Variants in ELP2 observed in about 807,000 individuals in gnomAD.
The protein encoded by ELP2 is elongator acetyltransferase complex subunit 2.
A neutral mutation model predicts 119.2 loss-of-function variants in ELP2; 90 were observed. The ratio of observed to expected loss-of-function variants is 0.75; its 90% confidence interval spans 0.64 to 0.90. The LOEUF (loss-of-function observed/expected upper bound fraction) is 0.90. Among genes scored for constraint, ELP2 ranks in the 40% least tolerant of loss-of-function variants. The pLI is 0.00. For synonymous variants in ELP2, 339 were observed against 331.0 expected, an observed-to-expected ratio of 1.02 and a Z score of -0.26; for missense variants, 921 against 967.8, an observed-to-expected ratio of 0.95 and a Z score of 0.64.
intron 8 of ELP2, among the ~76,000 whole-genome samples, chr18:36,144,712 AC>A (rs1455079261): frequency 6.6e-6 from 1 of 152,218 alleles, no homozygotes; most frequent in East Asian, 1.9e-4. Context: ...TTTATTTATG[AC>A]CAGCTAGAAC....
chr18:36,129,911 T>G lies in ELP2; in HGVS notation c.-23T>G, dbSNP rs765943171. The G allele has an allele frequency of 6.2e-7, 1 of 1,614,172 alleles. No homozygotes were observed. The highest frequency in any genetic ancestry group is 1.6e-4 in the Middle Eastern group (1 of 6,062). On this transcript the variant is annotated 5_prime_UTR_variant, in exon 1 of 22. Transcript: ENST00000358232. ...AGGGCGGAAGTGCGCGTCTCTTGTT[T>G]GTGCGGCTGACCAGTTGGCGACATG...
intron 1 of ELP2, among the ~76,000 whole-genome samples, chr18:36,132,234 A>G (rs1022366077): frequency 1.4e-4 from 21 of 152,190 alleles, no homozygotes; most frequent in Admixed American, 1.0e-3. Flanking sequence ...TTCAAATGCT[A>G]AAATAAAGTT....
intron 8 of ELP2, among the ~76,000 whole-genome samples, chr18:36,144,156 A>G (rs1200512513): frequency 6.6e-6 from 1 of 152,144 alleles, no homozygotes. Context: ...TTTTGGTAAC[A>G]GTTTTATGGG....
intron 11 of ELP2, among the ~76,000 whole-genome samples, chr18:36,149,271 A>C (rs2090310316): frequency 6.6e-6 from 1 of 152,194 alleles, no homozygotes. Context: ...AAGTCAAGCA[A>C]GTAGCTCCTC....
At chr18:36,171,019 C>A in intron 20 of ELP2, 28 bp from the exon 21 acceptor site, 1 of 1,439,430 alleles carries the variant, frequency 6.9e-7, no homozygotes, top group Non-Finnish European at 9.8e-7. Flanking sequence ...CTAAGTTAAT[C>A]ACTGTTGTCC....
chr18:36,168,958 CTT>C (rs2090993540), intron 19 of ELP2, among the ~76,000 whole-genome samples: 1 of 91,270 alleles, frequency 1.1e-5, no homozygotes, highest in Non-Finnish European at 1.9e-5. Context: ...GAGTTTCGCT[CTT>C]GTTGCCTAGG....
intron 17 of ELP2, among the ~76,000 whole-genome samples, chr18:36,163,275 G>GGGGGGGGTGTGTGTGTGTGTGTGT (rs1555644861): frequency 1.4e-5 from 2 of 145,360 alleles, no homozygotes; most frequent in African/African-American, 5.1e-5. Context: ...GTTCATGGGG[G>GGGGGGGGTGTGTGTGTGTGTGTGT]GTGTGTGTGT....
At chr18:36,170,638 C>T (rs2091051767) in intron 20 of ELP2, among the ~76,000 whole-genome samples, 1 of 152,148 alleles carries the variant, frequency 6.6e-6, no homozygotes, top group Non-Finnish European at 1.5e-5. Flanking sequence ...TTGCAAAATG[C>T]TTATGTTTCT....
chr18:36,141,248 A>T (rs768819477), intron 6 of ELP2, 47 bp downstream of exon 6: 6 of 1,397,174 alleles, frequency 4.3e-6, no homozygotes, highest in Non-Finnish European at 6.1e-6. Context: ...CTGCTTAGTT[A>T]TATCTCAATA....
At position 36,152,813 on chromosome 18, in the gene ELP2, C is replaced by T. The variant is rs554039678; in HGVS notation, c.1126-2037C>T. On this transcript the variant is annotated intron_variant, in intron 11 of 21. Transcript: ENST00000358232. ...GTAGCATTTAAAACCAAAGATACTG[C>T]CCCTAAATTAATCACTTTCATAGTC... Among the ~76,000 whole-genome samples the T allele has an allele frequency of 2.6e-5, 4 of 152,320 alleles. No homozygotes were observed. The South Asian group carries it at 6.2e-4, about 24-fold the overall frequency.
chr18:36,156,344 A>T, intron 12 of ELP2, 122 bp from the exon 13 acceptor site: 1 of 960,846 alleles, frequency 1.0e-6, no homozygotes, highest in South Asian at 1.4e-5. Flanking sequence ...TGGTTTATTC[A>T]TGGATGAATA....
At chr18:36,166,902 C>T in intron 18 of ELP2, 199 bp from the exon 19 acceptor site, 1 of 400,220 alleles carries the variant, frequency 2.5e-6, no homozygotes, top group Non-Finnish European at 4.4e-6. Flanking sequence ...AGTACAAAAG[C>T]ATTCCCTACT....
Position 36,146,235 on chromosome 18 carries a change from T to TTA in ELP2, c.994-15_994-14insTA. ...ACTATTGATTAAGAATTGTTTTCTG[T>TTA]CTGTTATTGTACAGGTTCGAGTAGG... On this transcript the variant is annotated splice_polypyrimidine_tract_variant and intron_variant, in intron 10 of 21. Coordinates refer to ENST00000358232, the MANE Select transcript of ELP2 (RefSeq NM_018255.4). The TTA allele has an allele frequency of 6.2e-7, 1 of 1,614,074 alleles. No individual in the cohort carries two copies. Among genetic ancestry groups the TTA allele is most frequent in the Non-Finnish European group, 8.5e-7 (1 of 1,179,944 alleles).
Position 36,164,404 on chromosome 18 carries a change from T to G in ELP2, c.1762-71T>G, listed in dbSNP as rs970854076. On this transcript the variant is annotated intron_variant, in intron 17 of 21. Coordinates refer to ENST00000358232, the MANE Select transcript of ELP2 (RefSeq NM_018255.4). ...AAAATATACTCATAGAAACAATGTG[T>G]TGTTTTTAAAATGTTTTCTCTTCAG... 3.5e-5 allele frequency: 50 copies of G among 1,415,410 alleles called. 1 individual carries two copies. The South Asian group carries it at 5.5e-4, about 16-fold the overall frequency. The allele number at this position is 1,415,410 out of a possible 1,614,324, so 87.7% of individuals were successfully genotyped here. A position where few individuals can be genotyped will look rare whatever the true frequency, so the allele number is the denominator to read the frequency against.
chr18:36,155,038 CAG>C (rs913030715), intron 12 of ELP2, 39 bp downstream of exon 12: 1 of 1,534,900 alleles, frequency 6.5e-7, no homozygotes, highest in African/African-American at 1.4e-5. Flanking sequence ...TTTCTTGGGA[CAG>C]AGTTTCACAT....
In ELP2 at chr18:36,169,816, T is replaced by C; in HGVS notation, c.2077-247T>C. 2.0e-5 allele frequency: 11 copies of C among 536,764 alleles called. No individual in the cohort carries two copies. The South Asian group carries it at 2.2e-4, about 11-fold the overall frequency. The allele number at this position is 536,764 out of a possible 1,614,324, so 33.3% of individuals were successfully genotyped here. ...AGGCATGTTAGACACCTCTCTGTGGTCTCTGGGCAGGAACGCTTTGTCTTT... is the reference window on the plus strand; with the variant it reads ...AGGCATGTTAGACACCTCTCTGTGGCCTCTGGGCAGGAACGCTTTGTCTTT... On this transcript the variant is annotated intron_variant, in intron 19 of 21. Coordinates refer to ENST00000358232, the MANE Select transcript of ELP2 (RefSeq NM_018255.4).
chr18:36,142,699 G>A, intron 7 of ELP2, 127 bp from the exon 8 acceptor site: 1 of 657,580 alleles, frequency 1.5e-6, no homozygotes, highest in Non-Finnish European at 2.6e-6. Context: ...GAATTGGAGG[G>A]TAAGGAAACA....
chr18:36,141,330 T>A (rs1347282190), intron 6 of ELP2, 129 bp downstream of exon 6: 12 of 779,806 alleles, frequency 1.5e-5, no homozygotes, highest in Non-Finnish European at 2.6e-5. Flanking sequence ...TAGAATCTTT[T>A]TTTGACAGTC....
intron 1 of ELP2, among the ~76,000 whole-genome samples, chr18:36,132,552 G>A (rs960592418): frequency 5.9e-5 from 9 of 152,206 alleles, no homozygotes; most frequent in Admixed American, 4.6e-4. Context: ...AAAGAGGAAG[G>A]TGCAGTAGTC....
Sources: allele counts gnomAD v4.1 joint callset (sites outside exome capture counted in the v4.1 genomes callset), GRCh38; gene constraint gnomAD v4.1.1; transcripts MANE v1.5; gene names NCBI Gene and HGNC (gene_info 2026-07-23, HGNC 2026-07-21).